Variants in MCTP1 observed in about 807,000 individuals in gnomAD.
The protein encoded by MCTP1 is multiple C2 and transmembrane domain-containing protein 1.
MCTP1 carries 69 observed loss-of-function variants against 120.6 expected under a neutral mutation model. That is an observed-to-expected ratio of 0.57 (90% CI 0.47 to 0.70). The LOEUF is 0.70. Ranked by LOEUF, MCTP1 falls within the 30% of genes least tolerant of loss-of-function variation. MCTP1 has a pLI of 0.00. For synonymous variants in MCTP1, 529 were observed against 493.1 expected, an observed-to-expected ratio of 1.07 and a Z score of -0.96; for missense variants, 1,203 against 1,248.8, an observed-to-expected ratio of 0.96 and a Z score of 0.55.
chr5:95,142,707 G>T (rs1315985915), intron 1 of MCTP1, among the ~76,000 whole-genome samples: 1 of 152,264 alleles, frequency 6.6e-6, no homozygotes, highest in South Asian at 2.1e-4. Context: ...TACGGGAATA[G>T]AATCAATGGG....
intron 19 of MCTP1, among the ~76,000 whole-genome samples, chr5:94,742,532 G>A (rs150972419): frequency 2.0e-3 from 301 of 152,234 alleles, no homozygotes; most frequent in Non-Finnish European, 2.4e-3. Flanking sequence ...GTGCTCCCTG[G>A]GTCTTAGAGC....
At chr5:94,978,911 T>C (rs141159461) in intron 2 of MCTP1, 6 of 152,056 alleles carry the variant, frequency 3.9e-5, no homozygotes, top group African/African-American at 1.4e-4. Flanking sequence ...GTGTGATCAT[T>C]GGCACACAGA....
At chr5:95,203,501 C>A (rs554178866) in intron 1 of MCTP1, among the ~76,000 whole-genome samples, 1 of 152,136 alleles carries the variant, frequency 6.6e-6, no homozygotes, top group Non-Finnish European at 1.5e-5. Context: ...ACTAGAAGTC[C>A]GTATCTACTG....
chr5:95,115,249 T>A (rs72779446), intron 1 of MCTP1, among the ~76,000 whole-genome samples: 7,947 of 152,046 alleles, frequency 0.052, 268 homozygotes, highest in Non-Finnish European at 0.078. Flanking sequence ...ATCAAGATCA[T>A]TCAGGAAAAC....
chr5:94,955,710 C>G lies in MCTP1; in HGVS notation c.839-2349G>C, dbSNP rs1177888935. Among the ~76,000 whole-genome samples the G allele has an allele frequency of 2.0e-5, 3 of 152,186 alleles. No homozygotes were observed. The East Asian group carries it at 5.8e-4, about 29-fold the overall frequency. On this transcript the variant is annotated intron_variant, in intron 2 of 22. Transcript: ENST00000515393. ...CAAAGCCACTGTAGCCAGACTGCCT[C>G]TCTACATTCCTCCTCTCTGGGCAGA...
At chr5:95,120,193 A>AAAAAAT (rs1758121996) in intron 1 of MCTP1, among the ~76,000 whole-genome samples, 1 of 150,260 alleles carries the variant, frequency 6.7e-6, no homozygotes, top group Non-Finnish European at 1.5e-5. Flanking sequence ...AAAAAAAAAA[A>AAAAAAT]GTCTCCCAGC....
intron 10 of MCTP1, among the ~76,000 whole-genome samples, chr5:94,897,234 T>TC (rs1225160269): frequency 3.3e-5 from 5 of 151,230 alleles, no homozygotes; most frequent in Non-Finnish European, 7.4e-5. Flanking sequence ...GGCTAATTTT[T>TC]TTTTTTTTTT....
At chr5:95,267,226 TC>T (rs1177114997) in intron 1 of MCTP1, among the ~76,000 whole-genome samples, 3 of 152,192 alleles carry the variant, frequency 2.0e-5, no homozygotes, top group African/African-American at 2.4e-5. Context: ...AATGTACACC[TC>T]CTTATAGAAC....
At chr5:95,003,856 G>T (rs1332690723) in intron 2 of MCTP1, among the ~76,000 whole-genome samples, 3 of 152,208 alleles carry the variant, frequency 2.0e-5, no homozygotes, top group African/African-American at 7.2e-5. Context: ...GAGAAGTGGG[G>T]CATTGCTATA....
chr5:94,915,355 A>G (rs566070984), intron 8 of MCTP1, among the ~76,000 whole-genome samples: 40 of 152,332 alleles, frequency 2.6e-4, no homozygotes, highest in African/African-American at 9.6e-4. Flanking sequence ...ATAGGTTAAA[A>G]GGTAAGTATG....
At chr5:94,792,960 T>G (rs1216709111) in intron 18 of MCTP1, 1 of 152,214 alleles carries the variant, frequency 6.6e-6, no homozygotes, top group African/African-American at 2.4e-5. Context: ...TAAGTGTAAG[T>G]ATGTCCTGTT....
At chr5:95,142,863 T>A (rs1380412519) in intron 1 of MCTP1, among the ~76,000 whole-genome samples, 1 of 152,118 alleles carries the variant, frequency 6.6e-6, no homozygotes, top group Non-Finnish European at 1.5e-5. Flanking sequence ...TGGGAGGAGA[T>A]AAACTATGTA....
chr5:95,112,739 A>G (rs1757551825), intron 1 of MCTP1, among the ~76,000 whole-genome samples: 1 of 152,200 alleles, frequency 6.6e-6, no homozygotes, highest in African/African-American at 2.4e-5. Flanking sequence ...AATTTTTGAA[A>G]TGTTAAAAAT....
intron 1 of MCTP1, among the ~76,000 whole-genome samples, chr5:95,063,010 G>T (rs554553273): frequency 1.3e-3 from 203 of 152,074 alleles, no homozygotes; most frequent in African/African-American, 4.8e-3. Context: ...TAGAGATAGG[G>T]TCTCCCTATG....
At position 94,982,954 on chromosome 5, in the gene MCTP1, G is replaced by C. The variant is rs907024487; in HGVS notation, c.839-29593C>G. Among the ~76,000 whole-genome samples the C allele has an allele frequency of 3.4e-5, 4 of 116,764 alleles. No homozygotes were observed. The South Asian group carries it at 1.1e-3, about 33-fold the overall frequency. 76.6% of individuals were successfully genotyped at this position (116,764 alleles called of 152,430 possible). ...CCTAATTTTATCCCATTTTCTTTAAGAGCAGAGAGTTTTCTCTACTTGATA... is the reference window on the plus strand; with the variant it reads ...CCTAATTTTATCCCATTTTCTTTAACAGCAGAGAGTTTTCTCTACTTGATA... On this transcript the variant is annotated intron_variant, in intron 2 of 22. Transcript: ENST00000515393.
intron 2 of MCTP1, among the ~76,000 whole-genome samples, chr5:95,014,597 T>C (rs890680657): frequency 1.3e-5 from 2 of 152,166 alleles, no homozygotes; most frequent in African/African-American, 4.8e-5. Context: ...AAATGTTTGA[T>C]ATTTACCAGT....
chr5:94,939,358 C>A (rs535537253), intron 5 of MCTP1, among the ~76,000 whole-genome samples: 6 of 152,094 alleles, frequency 3.9e-5, no homozygotes, highest in African/African-American at 1.4e-4. Flanking sequence ...ATAATCAGAG[C>A]TAGTTAGAGT....
At chr5:94,967,656 G>A (rs1258524761) in intron 2 of MCTP1, among the ~76,000 whole-genome samples, 3 of 152,192 alleles carry the variant, frequency 2.0e-5, no homozygotes, top group Admixed American at 6.5e-5. Context: ...AGAGATGTTC[G>A]AGACTGGTGT....
intron 9 of MCTP1, 77 bp downstream of exon 9, chr5:94,912,729 T>C (rs553989351): frequency 8.4e-5 from 99 of 1,177,762 alleles, no homozygotes; most frequent in Non-Finnish European, 1.1e-4. Context: ...ATCTAGTGGT[T>C]TCATCTCCTA....
Sources: gnomAD v4.1 joint callset for allele counts (sites outside exome capture counted in the v4.1 genomes callset) on GRCh38, gnomAD v4.1.1 for gene constraint, MANE v1.5 for transcripts, NCBI Gene and HGNC (gene_info 2026-07-23, HGNC 2026-07-21) for gene names.